The following FOXK1 variants were observed in gnomAD, a reference collection of about 807,000 sequenced individuals.
FOXK1 encodes forkhead box protein K1.
Under a neutral mutation model 51.9 loss-of-function variants are expected in FOXK1, and 19 were observed. The observed-to-expected ratio is 0.37, with a 90% CI of 0.26 to 0.54. The LOEUF (loss-of-function observed/expected upper bound fraction) is 0.54, where lower values mean the gene tolerates loss of function less well. FOXK1 is among the 20% of genes least tolerant of loss of function. The pLI is 0.87. For synonymous variants in FOXK1, 537 were observed against 482.6 expected, an observed-to-expected ratio of 1.11 and a Z score of -1.48; for missense variants, 870 against 1,032.7, an observed-to-expected ratio of 0.84 and a Z score of 2.16.
In FOXK1 at chr7:4,762,721, G is replaced by A. The variant is rs556948444; in HGVS notation, c.*257G>A. ...CTTTGCTTTCCTTTCCTTCTCCCTC[G>A]GCACCACCTCCTCTCCCCAGGCCTC... On this transcript the variant is annotated 3_prime_UTR_variant, in exon 9 of 9. Transcript: ENST00000328914. The surrounding 1 kb of genome is among the most constrained non-coding windows in gnomAD (Gnocchi z 5.7). The A allele has an allele frequency of 6.1e-6, 3 of 490,214 alleles. No homozygotes were observed. The highest frequency in any genetic ancestry group is 7.4e-6 in the Non-Finnish European group (2 of 269,454). The allele number at this position is 490,214 out of a possible 1,614,324, so 30.4% of individuals were successfully genotyped here.
intron 1 of FOXK1, among the ~76,000 whole-genome samples, chr7:4,705,554 T>TCTCTCTCTCTCG (rs895937029): frequency 2.8e-3 from 372 of 131,498 alleles, no homozygotes; most frequent in African/African-American, 6.0e-3. Context: ...TCTCTCTCTC[T>TCTCTCTCTCTCG]CTCTCGCTCT....
chr7:4,750,296 G>C (rs117822219), intron 2 of FOXK1, among the ~76,000 whole-genome samples: 3,363 of 152,200 alleles, frequency 0.022, 58 homozygotes, highest in Non-Finnish European at 0.028. Context: ...ACCGAGGCCT[G>C]GGGTACTTAC....
At position 4,771,292 on chromosome 7, in the gene FOXK1, T is replaced by C. The variant is rs1315274419; in HGVS notation, c.*8828T>C. On this transcript the variant is annotated 3_prime_UTR_variant, in exon 9 of 9. Coordinates refer to ENST00000328914, the MANE Select transcript of FOXK1 (RefSeq NM_001037165.2). ...ATCAGACGTTAATGTTTTAAAGCTA[T>C]AACAAAGTTTAAAATTTCTACTTTT... The C allele has an allele frequency of 6.5e-6, 1 of 152,672 alleles. No homozygotes were observed. The highest frequency in any genetic ancestry group is 2.4e-5 in the African/African-American group (1 of 41,444). 9.5% of individuals were successfully genotyped at this position (152,672 alleles called of 1,614,324 possible). A position where few individuals can be genotyped will look rare whatever the true frequency, so the allele number is the denominator to read the frequency against.
In FOXK1 at chr7:4,707,640, G is replaced by A. The variant is rs959764607; in HGVS notation, c.560+24772G>A. ...GGTCTTTGCAGTTGGCGTGTTCCCC[G>A]GTGCCATTCGTATCTGATTCATGCG... On this transcript the variant is annotated intron_variant, in intron 1 of 8. Coordinates refer to ENST00000328914, the MANE Select transcript of FOXK1 (RefSeq NM_001037165.2). The surrounding 1 kb of genome is among the most constrained non-coding windows in gnomAD (Gnocchi z 4.1). 6.6e-6 allele frequency among the ~76,000 whole-genome samples: 1 copy of A among 151,904 alleles called. No individual in the cohort carries two copies. The highest frequency in any genetic ancestry group is 1.5e-5 in the Non-Finnish European group (1 of 68,004).
At chr7:4,718,055 C>T (rs891719603) in intron 1 of FOXK1, among the ~76,000 whole-genome samples, 2 of 152,222 alleles carry the variant, frequency 1.3e-5, no homozygotes, top group Non-Finnish European at 2.9e-5. Context: ...TCTGGGGGCC[C>T]TGTTGCCCGT....
Position 4,756,921 on chromosome 7 carries a change from C to T in FOXK1, c.1051-73C>T. 2 of 1,525,050 alleles carry T rather than the reference C, an allele frequency of 1.3e-6. No individual in the cohort carries two copies. The highest frequency in any genetic ancestry group is 1.8e-6 in the Non-Finnish European group (2 of 1,119,246). 94.5% of individuals were successfully genotyped at this position (1,525,050 alleles called of 1,614,324 possible). A position where few individuals can be genotyped will look rare whatever the true frequency, so the allele number is the denominator to read the frequency against. ...TCCCCTCACCCTGGTCCCGCATCTG[C>T]TGCAGATTTGAGGTGGGTGGGACTC... On this transcript the variant is annotated intron_variant, in intron 4 of 8. Coordinates refer to ENST00000328914, the MANE Select transcript of FOXK1 (RefSeq NM_001037165.2). This position sits in a 1 kb window ranked among gnomAD's most constrained non-coding sequence, Gnocchi z 4.1.
At chr7:4,685,419 T>G (rs1020788976) in intron 1 of FOXK1, among the ~76,000 whole-genome samples, 1 of 151,902 alleles carries the variant, frequency 6.6e-6, no homozygotes, top group African/African-American at 2.4e-5. Flanking sequence ...TTTCACCGTG[T>G]TAGCCAAGAT....
At chr7:4,689,034 T>G (rs992805405) in intron 1 of FOXK1, among the ~76,000 whole-genome samples, 1 of 151,786 alleles carries the variant, frequency 6.6e-6, no homozygotes, top group African/African-American at 2.4e-5. Flanking sequence ...TGGAGTGCAG[T>G]GGCACCATCT....
rs1412999952 is a variant in FOXK1 at position 4,753,143 on chromosome 7, ACT to A, written c.747-1315_747-1314del. Reference sequence around the variant, plus strand: ...GTCCTTAACGTTCCATGTGGGTGACACTGAGTCCTTCCTGAAAATGCCCCAGA... The same window carrying A: ...GTCCTTAACGTTCCATGTGGGTGACAGAGTCCTTCCTGAAAATGCCCCAGA... On this transcript the variant is annotated intron_variant, in intron 2 of 8. Coordinates refer to ENST00000328914, the MANE Select transcript of FOXK1 (RefSeq NM_001037165.2). This position sits in a 1 kb window ranked among gnomAD's most constrained non-coding sequence, Gnocchi z 4.9. Among the ~76,000 whole-genome samples, 1 of 152,236 alleles carries A rather than the reference ACT, an allele frequency of 6.6e-6. No homozygotes were observed. The highest frequency in any genetic ancestry group is 1.5e-5 in the Non-Finnish European group (1 of 68,050).
At chr7:4,754,689 C>A (rs1032903138) in intron 3 of FOXK1, 74 bp downstream of exon 3, 2 of 1,511,520 alleles carry the variant, frequency 1.3e-6, no homozygotes. Context: ...GCGGGCGGCA[C>A]AGACAGCCCA....
In FOXK1 at chr7:4,761,037, G is replaced by C. The variant is rs1348483542; in HGVS notation, c.1697-27G>C. Reference sequence around the variant, plus strand: ...ATCGATTGTCTCGTTGGCCGAGTGTGGTGCTGACTTGGTTCCTGTCCCGCA... The same window carrying C: ...ATCGATTGTCTCGTTGGCCGAGTGTCGTGCTGACTTGGTTCCTGTCCCGCA... On this transcript the variant is annotated intron_variant, in intron 7 of 8. Transcript: ENST00000328914. This position sits in a 1 kb window ranked among gnomAD's most constrained non-coding sequence, Gnocchi z 6.2. The C allele has an allele frequency of 6.3e-7, 1 of 1,592,084 alleles. No individual in the cohort carries two copies. The highest frequency in any genetic ancestry group is 8.6e-7 in the Non-Finnish European group (1 of 1,162,340).
At chr7:4,694,341 C>A (rs1214245180) in intron 1 of FOXK1, among the ~76,000 whole-genome samples, 2 of 152,034 alleles carry the variant, frequency 1.3e-5, no homozygotes, top group Non-Finnish European at 1.5e-5. Flanking sequence ...CATAAAAATT[C>A]ATTTTCTCCC....
intron 1 of FOXK1, among the ~76,000 whole-genome samples, chr7:4,736,634 G>A (rs1344902719): frequency 3.3e-5 from 5 of 151,962 alleles, no homozygotes; most frequent in Admixed American, 6.6e-5. Flanking sequence ...GGCTGGTCTC[G>A]AACTCCTGAC....
At chr7:4,710,524 T>G (rs929380096) in intron 1 of FOXK1, among the ~76,000 whole-genome samples, 1 of 152,144 alleles carries the variant, frequency 6.6e-6, no homozygotes, top group Non-Finnish European at 1.5e-5. Context: ...GCAGTGAGCC[T>G]CAATCGCGCC....
chr7:4,689,281 G>T (rs182113898), intron 1 of FOXK1, among the ~76,000 whole-genome samples: 200 of 152,226 alleles, frequency 1.3e-3, no homozygotes, highest in African/African-American at 4.3e-3. Context: ...CCCGGCCACC[G>T]GTACTTTTTT....
In FOXK1 at chr7:4,759,314, C is replaced by G; in HGVS notation, c.1415C>G (p.Ser472Cys). ...CCGCTCTCCGCCCTCCGTGCAGGCT[C>G]CCCCGTCAGCGCCCAGCCAGTGATC... ...EYRYSQSAPG[S>C]PVSAQPVIMA... Residue 472 changes from serine to cysteine, a missense_variant, in exon 7 of 9, where the codon TCC becomes TGC. Transcript: ENST00000328914. The G allele has an allele frequency of 6.2e-7, 1 of 1,600,306 alleles. No individual in the cohort carries two copies.
chr7:4,759,517 C>G lies in FOXK1; in HGVS notation c.1618C>G (p.Leu540Val). ...TGCCAACTCGGCCAACGGATACATCCTCACCAGCCAGGGCGCGGCGGGGGG... is the reference window on the plus strand; with the variant it reads ...TGCCAACTCGGCCAACGGATACATCGTCACCAGCCAGGGCGCGGCGGGGGG... ...TSANSANGYI[L>V]TSQGAAGGSH... The change falls in exon 7 of 9, where the codon CTC becomes GTC. Residue 540 changes from leucine to valine, a missense_variant. Coordinates refer to ENST00000328914, the MANE Select transcript of FOXK1 (RefSeq NM_001037165.2). 2 of 1,571,114 alleles carry G rather than the reference C, an allele frequency of 1.3e-6. No homozygotes were observed. The highest frequency in any genetic ancestry group is 1.7e-6 in the Non-Finnish European group (2 of 1,164,668).
At position 4,723,126 on chromosome 7, in the gene FOXK1, G is replaced by A. The variant is rs552565637; in HGVS notation, c.561-17712G>A. 4.3e-4 allele frequency among the ~76,000 whole-genome samples: 66 copies of A among 151,902 alleles called. No homozygotes were observed. The highest frequency in any genetic ancestry group is 1.5e-3 in the African/African-American group (61 of 41,458). ...GTAACGGCACCGTGCTCACTCCAAC[G>A]CCGTGGCTGTGAGCGGAGCCAGCTT... is the stretch of plus-strand genomic sequence containing the variant. On this transcript the variant is annotated intron_variant, in intron 1 of 8. Coordinates refer to ENST00000328914, the MANE Select transcript of FOXK1 (RefSeq NM_001037165.2). The surrounding 1 kb of genome is among the most constrained non-coding windows in gnomAD (Gnocchi z 4.7).
In FOXK1 at chr7:4,758,990, G is replaced by GA; in HGVS notation, c.1245-58dup. Reference sequence around the variant, plus strand: ...CGGCGCTGAGATGCGTGATGTCTCGGAAACGTCCTCGCATCCCTCAGCGCG... The same window carrying GA: ...CGGCGCTGAGATGCGTGATGTCTCGGAAAACGTCCTCGCATCCCTCAGCGCG... On this transcript the variant is annotated intron_variant, in intron 5 of 8. Coordinates refer to ENST00000328914, the MANE Select transcript of FOXK1 (RefSeq NM_001037165.2). This position sits in a 1 kb window ranked among gnomAD's most constrained non-coding sequence, Gnocchi z 4.4. The GA allele has an allele frequency of 6.6e-7, 1 of 1,507,910 alleles. No homozygotes were observed. Among genetic ancestry groups the GA allele is most frequent in the South Asian group, 1.3e-5 (1 of 77,086 alleles). 93.4% of individuals were successfully genotyped at this position (1,507,910 alleles called of 1,614,324 possible). A position where few individuals can be genotyped will look rare whatever the true frequency, so the allele number is the denominator to read the frequency against.
Sources: allele counts gnomAD v4.1 joint callset (sites outside exome capture counted in the v4.1 genomes callset), GRCh38; gene constraint gnomAD v4.1.1; non-coding constraint Gnocchi (gnomAD v3.1); transcripts MANE v1.5; gene names NCBI Gene and HGNC (gene_info 2026-07-23, HGNC 2026-07-21).